RASGRF2: variants seen among roughly 807,000 people sequenced by gnomAD.
RASGRF2 encodes the protein ras-specific guanine nucleotide-releasing factor 2.
A neutral mutation model predicts 151.0 loss-of-function variants in RASGRF2; 76 were observed. That is an observed-to-expected ratio of 0.50 (90% CI 0.42 to 0.61). RASGRF2 has a LOEUF of 0.61. Among genes scored for constraint, RASGRF2 ranks in the 20% least tolerant of loss-of-function variants. The pLI is 0.00. For missense variants in RASGRF2, 1,148 were observed against 1,564.6 expected (o/e 0.73, Z 4.49); for synonymous variants, 504 against 566.5 (o/e 0.89, Z 1.57).
intron 1 of RASGRF2, among the ~76,000 whole-genome samples, chr5:81,027,433 A>T (rs1750076183): frequency 6.6e-6 from 1 of 151,782 alleles, no homozygotes; most frequent in African/African-American, 2.4e-5. Context: ...TGATAAAAAA[A>T]CTCCTCACCC....
At chr5:81,081,731 G>A (rs767901388) in intron 7 of RASGRF2, among the ~76,000 whole-genome samples, 6 of 152,242 alleles carry the variant, frequency 3.9e-5, no homozygotes, top group African/African-American at 1.4e-4. Flanking sequence ...AAATGTGGCT[G>A]TGGTGCACAA....
intron 8 of RASGRF2, 115 bp from the exon 9 acceptor site, chr5:81,086,720 C>T (rs1752238198): frequency 7.3e-6 from 6 of 817,404 alleles, no homozygotes; most frequent in African/African-American, 3.4e-5. Flanking sequence ...CCCAAACCCC[C>T]GGTTCAATCG....
At chr5:80,991,304 G>A (rs1748642622) in intron 1 of RASGRF2, among the ~76,000 whole-genome samples, 1 of 151,376 alleles carries the variant, frequency 6.6e-6, no homozygotes, top group Non-Finnish European at 1.5e-5. Context: ...ACAGAAAAGT[G>A]TGTGTGTGTG....
chr5:81,034,482 A>G (rs1344984546), intron 1 of RASGRF2, among the ~76,000 whole-genome samples: 1 of 152,092 alleles, frequency 6.6e-6, no homozygotes, highest in Non-Finnish European at 1.5e-5. Flanking sequence ...TCATGCTGCT[A>G]TAAAGACACA....
intron 2 of RASGRF2, among the ~76,000 whole-genome samples, chr5:81,060,116 A>G (rs1477980354): frequency 6.6e-6 from 1 of 152,236 alleles, no homozygotes; most frequent in Non-Finnish European, 1.5e-5. Flanking sequence ...TCTTGAGGAC[A>G]GCATGAAGCC....
rs78869208 is a variant in RASGRF2, at chr5:81,051,952, G to A, written c.395+8969G>A. ...CATTCCCACCAGCTACGTATTGAGGGTGCCAGTTTCTTCACATCCTTACCA... is the reference window on the plus strand; with the variant it reads ...CATTCCCACCAGCTACGTATTGAGGATGCCAGTTTCTTCACATCCTTACCA... On this transcript the variant is annotated intron_variant, in intron 2 of 26. Coordinates refer to ENST00000265080, the MANE Select transcript of RASGRF2 (RefSeq NM_006909.3). 1.6e-4 allele frequency among the ~76,000 whole-genome samples: 24 copies of A among 152,276 alleles called. No homozygotes were observed. In the East Asian group the frequency reaches 4.2e-3, roughly 27 times the overall value.
chr5:81,156,077 A>G (rs926301393), intron 17 of RASGRF2, among the ~76,000 whole-genome samples: 1 of 152,190 alleles, frequency 6.6e-6, no homozygotes, highest in African/African-American at 2.4e-5. Flanking sequence ...GGTCCCTACA[A>G]CAAATGAGAT....
chr5:81,126,953 A>G, intron 16 of RASGRF2, 121 bp from the exon 17 acceptor site: 1 of 1,016,402 alleles, frequency 9.8e-7, no homozygotes, highest in Non-Finnish European at 1.5e-6. Flanking sequence ...CCATTAACAG[A>G]GATAATACAG....
intron 17 of RASGRF2, among the ~76,000 whole-genome samples, chr5:81,174,978 C>G (rs549323216): frequency 6.6e-6 from 1 of 152,190 alleles, no homozygotes; most frequent in Non-Finnish European, 1.5e-5. Flanking sequence ...GGTTTACTAA[C>G]TTGCAAGAGA....
At chr5:81,188,966 C>CGTGTTG (rs1755096176) in intron 18 of RASGRF2, among the ~76,000 whole-genome samples, 1 of 152,244 alleles carries the variant, frequency 6.6e-6, no homozygotes, top group Non-Finnish European at 1.5e-5. Context: ...CACATGTCAA[C>CGTGTTG]ACTGCCAATG....
intron 1 of RASGRF2, among the ~76,000 whole-genome samples, chr5:80,979,867 A>G (rs775493514): frequency 1.7e-4 from 26 of 152,176 alleles, no homozygotes; most frequent in Non-Finnish European, 3.4e-4. Context: ...CCTGCTTGGA[A>G]AGATGGCCGA....
intron 26 of RASGRF2, among the ~76,000 whole-genome samples, chr5:81,221,405 A>G (rs1183782041): frequency 6.6e-6 from 1 of 152,248 alleles, no homozygotes; most frequent in African/African-American, 2.4e-5. Context: ...TTTGATACTT[A>G]GGGTTGTCAT....
intron 25 of RASGRF2, 124 bp from the exon 26 acceptor site, chr5:81,219,586 C>A: frequency 1.4e-6 from 1 of 697,018 alleles, no homozygotes; most frequent in Non-Finnish European, 2.4e-6. Flanking sequence ...CAGGCTCCAC[C>A]CGCCTCACTG....
chr5:80,995,880 A>G (rs1274023111), intron 1 of RASGRF2, among the ~76,000 whole-genome samples: 1 of 151,642 alleles, frequency 6.6e-6, no homozygotes, highest in Non-Finnish European at 1.5e-5. Flanking sequence ...TTTACTAGAG[A>G]TGGTGTTTCA....
intron 17 of RASGRF2, among the ~76,000 whole-genome samples, chr5:81,161,955 T>C (rs984282651): frequency 1.3e-5 from 2 of 151,690 alleles, no homozygotes; most frequent in South Asian, 2.1e-4. Flanking sequence ...CTTGTAGTAA[T>C]TGGTTCTCAT....
At chr5:80,965,456 G>A (rs1002307831) in intron 1 of RASGRF2, among the ~76,000 whole-genome samples, 1 of 152,032 alleles carries the variant, frequency 6.6e-6, no homozygotes, top group Non-Finnish European at 1.5e-5. Flanking sequence ...AAAATCTCAT[G>A]GATTAGCAAA....
chr5:81,142,543 CTT>C (rs943863842), intron 17 of RASGRF2, among the ~76,000 whole-genome samples: 1 of 152,150 alleles, frequency 6.6e-6, no homozygotes, highest in African/African-American at 2.4e-5. Flanking sequence ...CCCTCACCAT[CTT>C]TTCATTTTGG....
At chr5:81,187,056 A>G (rs7718438) in intron 18 of RASGRF2, among the ~76,000 whole-genome samples, 63,304 of 152,070 alleles carry the variant, frequency 0.42, 13,499 homozygotes, top group African/African-American at 0.47. Flanking sequence ...TGCTCTTGAT[A>G]GAGATAACCT....
At chr5:80,979,255 G>A (rs1244213414) in intron 1 of RASGRF2, among the ~76,000 whole-genome samples, 2 of 152,048 alleles carry the variant, frequency 1.3e-5, no homozygotes, top group Non-Finnish European at 2.9e-5. Context: ...TTCAACATAA[G>A]ATGTAAATTT....
Sources: allele counts gnomAD v4.1 joint callset (sites outside exome capture counted in the v4.1 genomes callset), GRCh38; gene constraint gnomAD v4.1.1; transcripts MANE v1.5; gene names NCBI Gene and HGNC (gene_info 2026-07-23, HGNC 2026-07-21).